The following ANK2 variants were observed in gnomAD, a reference collection of about 807,000 sequenced individuals.
ANK2 encodes the protein ankyrin 2.
A neutral mutation model predicts 360.5 loss-of-function variants in ANK2; 83 were observed. The observed-to-expected ratio is 0.23, with a 90% CI of 0.19 to 0.28. ANK2 has a LOEUF of 0.28. Ranked by LOEUF, ANK2 falls within the 10% of genes least tolerant of loss-of-function variation. The pLI, the probability that ANK2 is intolerant of heterozygous loss-of-function variation, is 1.00. For missense variants in ANK2, 4,201 were observed against 4,795.7 expected (o/e 0.88, Z 3.66); for synonymous variants, 1,740 against 1,759.5 (o/e 0.99, Z 0.28).
chr4:112,753,759 T>C, the ANK2 span, among the ~76,000 whole-genome samples: 1 of 152,098 alleles, frequency 6.6e-6, no homozygotes, highest in African/African-American at 2.4e-5. Flanking sequence ...CTATGTTGTC[T>C]AAAAGGGGAG....
chr4:113,246,979 C>A (rs2043225830), intron 9 of ANK2, among the ~76,000 whole-genome samples: 1 of 152,156 alleles, frequency 6.6e-6, no homozygotes, highest in African/African-American at 2.4e-5. Flanking sequence ...AGAGCCTACC[C>A]ATGTATTCAC....
intron 1 of ANK2, among the ~76,000 whole-genome samples, chr4:113,067,067 G>A (rs1580592624): frequency 6.6e-6 from 1 of 152,154 alleles, no homozygotes; most frequent in South Asian, 2.1e-4. Context: ...TCATGTTTAT[G>A]AGCTTGGACT....
intron 1 of ANK2, among the ~76,000 whole-genome samples, chr4:112,837,972 G>T (rs144779713): frequency 0.012 from 1,896 of 152,302 alleles, 41 homozygotes; most frequent in African/African-American, 0.043. Context: ...GGGAAGGCAT[G>T]ATTGGTTTCA....
chr4:113,142,884 C>G (rs558734516), intron 1 of ANK2, among the ~76,000 whole-genome samples: 1 of 151,950 alleles, frequency 6.6e-6, no homozygotes, highest in African/African-American at 2.4e-5. Flanking sequence ...AAATTTACCC[C>G]AAATGGTGTT....
chr4:112,763,084 A>T, the ANK2 span, among the ~76,000 whole-genome samples: 2 of 152,218 alleles, frequency 1.3e-5, no homozygotes, highest in Non-Finnish European at 2.9e-5. Context: ...GGAACATGTG[A>T]TGAATAATCA....
intron 1 of ANK2, among the ~76,000 whole-genome samples, chr4:112,887,625 G>A (rs2078782966): frequency 6.6e-6 from 1 of 152,116 alleles, no homozygotes; most frequent in Non-Finnish European, 1.5e-5. Context: ...CTCATGTGCA[G>A]ATAGGTATGA....
intron 1 of ANK2, among the ~76,000 whole-genome samples, chr4:113,069,609 G>A (rs1487302305): frequency 6.6e-6 from 1 of 152,126 alleles, no homozygotes; most frequent in Non-Finnish European, 1.5e-5. Context: ...AAACTAAATA[G>A]GACAAGAAAG....
chr4:112,784,663 G>C, the ANK2 span, among the ~76,000 whole-genome samples: 1 of 151,946 alleles, frequency 6.6e-6, no homozygotes, highest in African/African-American at 2.4e-5. Context: ...TTAAACTCTT[G>C]GGCACAAGCA....
At chr4:112,732,901 G>A in the ANK2 span, among the ~76,000 whole-genome samples, 1 of 151,826 alleles carries the variant, frequency 6.6e-6, no homozygotes, top group Non-Finnish European at 1.5e-5. Flanking sequence ...CCAGCATGGT[G>A]AAACCCCGTC....
chr4:113,157,657 G>A lies in ANK2; in HGVS notation c.85-16759G>A, dbSNP rs192023958. 3.5e-3 allele frequency among the ~76,000 whole-genome samples: 537 copies of A among 152,310 alleles called. 2 individuals carry two copies. Among genetic ancestry groups the A allele is most frequent in the African/African-American group, 0.012 (513 of 41,562 alleles). On this transcript the variant is annotated intron_variant, in intron 1 of 45. Coordinates refer to ENST00000357077, the MANE Select transcript of ANK2 (RefSeq NM_001148.6). The stretch of plus-strand genomic sequence containing the variant: ...CATCAAGGGAGATCAGAACATGAGA[G>A]TTGAGCCAGGAATGTGACTGCAGTA...
intron 1 of ANK2, among the ~76,000 whole-genome samples, chr4:113,112,546 A>G (rs1581926035): frequency 6.6e-6 from 1 of 152,172 alleles, no homozygotes; most frequent in East Asian, 1.9e-4. Context: ...TGTAATCCCC[A>G]GACTTCCTCT....
At chr4:112,928,462 A>G (rs901471081) in intron 2 of ANK2, among the ~76,000 whole-genome samples, 3 of 152,164 alleles carry the variant, frequency 2.0e-5, no homozygotes, top group Non-Finnish European at 4.4e-5. Context: ...TTTTTTGGCA[A>G]TCATAATTGT....
intron 4 of ANK2, among the ~76,000 whole-genome samples, chr4:113,201,170 G>A (rs1040421164): frequency 2.6e-5 from 4 of 152,048 alleles, no homozygotes; most frequent in Non-Finnish European, 1.5e-5. Flanking sequence ...TGGTAGTTAC[G>A]TTTTTAGTTT....
chr4:113,336,370 C>T, intron 30 of ANK2: 1 of 590,572 alleles, frequency 1.7e-6, no homozygotes, highest in Non-Finnish European at 2.9e-6. Flanking sequence ...TAAGCAAGAG[C>T]TGCCATCAGA....
chr4:113,089,694 G>A (rs1171836352), intron 1 of ANK2, among the ~76,000 whole-genome samples: 3 of 152,034 alleles, frequency 2.0e-5, no homozygotes, highest in African/African-American at 4.8e-5. Context: ...ATGTGTTGGT[G>A]CATGCCACCA....
intron 1 of ANK2, among the ~76,000 whole-genome samples, chr4:113,052,776 G>A (rs1375342010): frequency 3.3e-5 from 5 of 152,154 alleles, no homozygotes; most frequent in Admixed American, 2.0e-4. Flanking sequence ...ATGGGGAACC[G>A]TGGGGGCATC....
intron 22 of ANK2, among the ~76,000 whole-genome samples, chr4:113,296,893 G>A (rs2071866306): frequency 1.3e-5 from 2 of 152,094 alleles, no homozygotes; most frequent in South Asian, 4.1e-4. Context: ...TAATCTTAAA[G>A]TGATTGTGTT....
At chr4:113,351,718 A>T (rs923381843) in intron 37 of ANK2, among the ~76,000 whole-genome samples, 1 of 122,602 alleles carries the variant, frequency 8.2e-6, no homozygotes, top group East Asian at 2.0e-4. Context: ...CTCAGTTGTT[A>T]AAAAAAAAAG....
intron 13 of ANK2, among the ~76,000 whole-genome samples, chr4:113,262,823 T>G (rs2053705227): frequency 6.6e-6 from 1 of 151,844 alleles, no homozygotes; most frequent in Non-Finnish European, 1.5e-5. Flanking sequence ...ATCCATGTAT[T>G]TTGGTATTGG....
Sources: allele counts gnomAD v4.1 joint callset (sites outside exome capture counted in the v4.1 genomes callset), GRCh38; gene constraint gnomAD v4.1.1; transcripts MANE v1.5; gene names NCBI Gene and HGNC (gene_info 2026-07-23, HGNC 2026-07-21).